The following COL11A1 variants were observed in gnomAD, a reference collection of about 807,000 sequenced individuals.
COL11A1 encodes the protein collagen alpha-1(XI) chain.
A neutral mutation model predicts 265.2 loss-of-function variants in COL11A1; 74 were observed. That is an observed-to-expected ratio of 0.28 (90% CI 0.23 to 0.34). The LOEUF (loss-of-function observed/expected upper bound fraction) is 0.34. Among genes scored for constraint, COL11A1 ranks in the 10% least tolerant of loss-of-function variants. The pLI is 1.00. For missense variants in COL11A1, 2,165 were observed against 2,263.6 expected (o/e 0.96, Z 0.88); for synonymous variants, 816 against 727.6 (o/e 1.12, Z -1.96).
intron 4 of COL11A1, among the ~76,000 whole-genome samples, chr1:103,068,968 C>G (rs1558021004): frequency 6.6e-6 from 1 of 151,472 alleles, no homozygotes. Context: ...ATAGAAAACT[C>G]CATGATTTTT....
At chr1:102,961,361 A>T (rs779846235) in intron 41 of COL11A1, among the ~76,000 whole-genome samples, 26 of 152,156 alleles carry the variant, frequency 1.7e-4, no homozygotes, top group Non-Finnish European at 3.4e-4. Context: ...GATTGTGCTT[A>T]TGGGTTTTAT....
intron 62 of COL11A1, among the ~76,000 whole-genome samples, chr1:102,887,921 GA>G (rs1651211534): frequency 3.3e-5 from 5 of 152,148 alleles, no homozygotes; most frequent in Admixed American, 1.3e-4. Flanking sequence ...ATGGACCTCA[GA>G]AGGAACCAAC....
rs188466417 is a variant in COL11A1, at chr1:102,880,370, C to T, written c.5041-454G>A. On this transcript the variant is annotated intron_variant, in intron 65 of 66. Coordinates refer to ENST00000370096, the MANE Select transcript of COL11A1 (RefSeq NM_001854.4). ...TTTCAAACATTTCAAAATGTATCAA[C>T]TTTACCCAAATCTGTAAACATGTTC... Among the ~76,000 whole-genome samples the T allele has an allele frequency of 6.6e-5, 10 of 152,224 alleles. No individual in the cohort carries two copies. The East Asian group carries it at 1.9e-3, about 29-fold the overall frequency.
chr1:102,964,508 A>G (rs957531987), intron 38 of COL11A1, among the ~76,000 whole-genome samples: 16 of 152,114 alleles, frequency 1.1e-4, no homozygotes, highest in African/African-American at 3.9e-4. Flanking sequence ...AAAATAATCA[A>G]TAAATCCAAT....
chr1:103,093,432 T>A (rs1673485576), intron 1 of COL11A1, among the ~76,000 whole-genome samples: 1 of 151,978 alleles, frequency 6.6e-6, no homozygotes, highest in African/African-American at 2.4e-5. Context: ...AACAGCCCTA[T>A]TCTGGAAAAA....
intron 48 of COL11A1, 69 bp downstream of exon 48, chr1:102,921,449 A>G: frequency 1.6e-6 from 2 of 1,246,970 alleles, no homozygotes; most frequent in Non-Finnish European, 2.3e-6. Context: ...ACTCACAAAG[A>G]GCATCTGCTA....
At chr1:102,888,538 C>T (rs1445486961) in intron 62 of COL11A1, 39 bp downstream of exon 62, 1 of 1,581,612 alleles carries the variant, frequency 6.3e-7, no homozygotes, top group Non-Finnish European at 8.7e-7. Flanking sequence ...CTTCCAGATG[C>T]AAACTGTCAG....
chr1:102,943,436 TAC>T (rs1276350011), intron 42 of COL11A1, among the ~76,000 whole-genome samples: 16 of 135,208 alleles, frequency 1.2e-4, no homozygotes, highest in East Asian at 4.2e-4. Flanking sequence ...CCTCTGGAGA[TAC>T]ACACACACAC....
chr1:103,026,142 G>A, intron 6 of COL11A1, 74 bp downstream of exon 6: 1 of 1,241,170 alleles, frequency 8.1e-7, no homozygotes, highest in East Asian at 2.3e-5. Flanking sequence ...TAAGTTTGAG[G>A]AACAGTCAAC....
chr1:103,032,027 T>C (rs1415350), intron 4 of COL11A1, among the ~76,000 whole-genome samples: 142,289 of 152,048 alleles, frequency 0.94, 66,821 homozygotes, highest in East Asian at 1. Context: ...CTGCTCTTGA[T>C]GTAATGTGGC....
chr1:102,922,677 G>A (rs538184581), intron 47 of COL11A1, among the ~76,000 whole-genome samples: 12 of 152,290 alleles, frequency 7.9e-5, no homozygotes, highest in Non-Finnish European at 1.3e-4. Flanking sequence ...GGGATTACAG[G>A]CGTGAGCCAC....
At chr1:102,979,168 G>A in intron 32 of COL11A1, 64 bp from the exon 33 acceptor site, 2 of 1,445,926 alleles carry the variant, frequency 1.4e-6, no homozygotes, top group Non-Finnish European at 1.9e-6. Context: ...CTGGTGCTGA[G>A]ACTGAGTAGT....
chr1:102,970,370 T>C, intron 36 of COL11A1, 98 bp from the exon 37 acceptor site: 1 of 873,014 alleles, frequency 1.1e-6, no homozygotes, highest in Non-Finnish European at 1.8e-6. Flanking sequence ...TTTTTATATT[T>C]CCATTAGCTA....
At chr1:103,016,376 C>T (rs530336059) in intron 11 of COL11A1, among the ~76,000 whole-genome samples, 74 of 151,864 alleles carry the variant, frequency 4.9e-4, no homozygotes, top group African/African-American at 1.7e-3. Flanking sequence ...CATACATGTA[C>T]ATTTAGAAGT....
chr1:102,892,601 G>T (rs1333881303), intron 57 of COL11A1, among the ~76,000 whole-genome samples: 2 of 152,190 alleles, frequency 1.3e-5, no homozygotes, highest in Non-Finnish European at 2.9e-5. Flanking sequence ...CTGCATGAAT[G>T]AGGATGGGCC....
In COL11A1 at chr1:102,940,433, C is replaced by G. The variant is rs1477374848; in HGVS notation, c.3278G>C (p.Gly1093Ala). 3 of 1,610,734 alleles carry G rather than the reference C, an allele frequency of 1.9e-6. No individual in the cohort carries two copies. Among genetic ancestry groups the G allele is most frequent in the Middle Eastern group, 1.7e-4 (1 of 6,056 alleles). Residue 1093 changes from glycine (G) to alanine (A), a missense_variant and splice_region_variant, in exon 43 of 67, where the codon GGA becomes GCA. Gly to Ala is a moderately conservative substitution (Grantham distance 60). Transcript: ENST00000370096. The part of the protein sequence containing the change: ...PGPAGEKGAP[G>A]EKGPQGPAGR... ...TGCAGGCCCTTGGGGACCTTTTTCT[C>G]CCTGTATTGAATATCCAAAGATCAT...
chr1:103,066,258 TA>T (rs957502874), intron 4 of COL11A1, among the ~76,000 whole-genome samples: 20 of 151,922 alleles, frequency 1.3e-4, no homozygotes, highest in African/African-American at 4.8e-4. Context: ...ATTTTTATCT[TA>T]AAAGCTTTAA....
intron 4 of COL11A1, among the ~76,000 whole-genome samples, chr1:103,033,722 C>T (rs1668154310): frequency 1.3e-5 from 2 of 152,100 alleles, no homozygotes; most frequent in South Asian, 2.1e-4. Flanking sequence ...AGTAATCTTC[C>T]ATTTCAATCT....
chr1:102,914,546 G>A, intron 51 of COL11A1, 141 bp from the exon 52 acceptor site: 2 of 1,030,200 alleles, frequency 1.9e-6, no homozygotes, highest in Non-Finnish European at 2.9e-6. Flanking sequence ...AATTTCTAAA[G>A]AATTAATTCA....
Sources: gnomAD v4.1 joint callset for allele counts (sites outside exome capture counted in the v4.1 genomes callset) on GRCh38, gnomAD v4.1.1 for gene constraint, MANE v1.5 for transcripts, NCBI Gene and HGNC (gene_info 2026-07-23, HGNC 2026-07-21) for gene names.